Variants in CSNK1E observed in about 807,000 individuals in gnomAD.
The protein encoded by CSNK1E is casein kinase I isoform epsilon.
A neutral mutation model predicts 46.1 loss-of-function variants in CSNK1E; 17 were observed. That is an observed-to-expected ratio of 0.37 (90% CI 0.25 to 0.55). The LOEUF (loss-of-function observed/expected upper bound fraction) is 0.55. Among genes scored for constraint, CSNK1E ranks in the 20% least tolerant of loss-of-function variants. CSNK1E has a pLI of 0.82. For synonymous variants in CSNK1E, 241 were observed against 242.6 expected, an observed-to-expected ratio of 0.99 and a Z score of 0.06; for missense variants, 386 against 595.4, an observed-to-expected ratio of 0.65 and a Z score of 3.66.
chr22:38,317,025 C>G (rs1486670042), intron 1 of CSNK1E, 135 bp downstream of exon 1: 1 of 152,304 alleles, frequency 6.6e-6, no homozygotes. Flanking sequence ...GGGCTGCCCC[C>G]CCTACACCCC....
intron 2 of CSNK1E, among the ~76,000 whole-genome samples, chr22:38,312,557 G>T (rs1039756105): frequency 6.6e-6 from 1 of 152,108 alleles, no homozygotes; most frequent in Non-Finnish European, 1.5e-5. Flanking sequence ...GCTTGGGGTC[G>T]CAGAGAAAAA....
chr22:38,304,378 AG>A (rs1333933714), intron 2 of CSNK1E, among the ~76,000 whole-genome samples: 1 of 152,172 alleles, frequency 6.6e-6, no homozygotes, highest in Admixed American at 6.5e-5. Flanking sequence ...TCTCAAGTAG[AG>A]GAAAAGTTTG....
intron 7 of CSNK1E, chr22:38,297,608 A>T: frequency 4.0e-6 from 4 of 996,000 alleles, no homozygotes; most frequent in Non-Finnish European, 4.8e-6. Flanking sequence ...AGGATGAAGC[A>T]AGAGGAGGTG....
intron 2 of CSNK1E, among the ~76,000 whole-genome samples, chr22:38,304,472 G>A (rs922887793): frequency 1.3e-5 from 2 of 152,108 alleles, no homozygotes; most frequent in Admixed American, 6.6e-5. Context: ...ACAAACGCTC[G>A]CCCAAGCAAC....
rs992230340 is a variant in CSNK1E at position 38,294,356 on chromosome 22, C to T, written c.1064G>A (p.Arg355His). 1.1e-5 allele frequency: 18 copies of T among 1,569,152 alleles called. No individual in the cohort carries two copies. Among genetic ancestry groups the T allele is most frequent in the Non-Finnish European group, 1.6e-5 (18 of 1,160,728 alleles). The change falls in exon 8 of 11, where the codon CGC becomes CAC. Residue 355 changes from arginine (R) to histidine (H), a missense_variant. This residue lies in a region of CSNK1E where 174 missense variants were observed against 185.2 expected (regional missense o/e 0.94). Coordinates refer to ENST00000396832, the MANE Select transcript of CSNK1E (RefSeq NM_152221.3). The surrounding 1 kb of genome is among the most constrained non-coding windows in gnomAD (Gnocchi z 5.5). ...AEPVASTPAS[R>H]IQPAGNTSPR... is the part of the protein sequence containing the mutation. Reference sequence around the variant, plus strand: ...TCCCTGCTCACCAGCCGGCTGGATGCGGGAGGCTGGCGTGGAAGCCACGGG... The same window carrying T: ...TCCCTGCTCACCAGCCGGCTGGATGTGGGAGGCTGGCGTGGAAGCCACGGG...
intron 7 of CSNK1E, chr22:38,297,192 A>C (rs2092645511): frequency 1.3e-6 from 1 of 775,124 alleles, no homozygotes; most frequent in South Asian, 1.4e-5. Context: ...AGTTGTGCTG[A>C]GCTGGAGGGC....
intron 7 of CSNK1E, chr22:38,297,911 C>T: frequency 9.1e-7 from 1 of 1,097,744 alleles, no homozygotes; most frequent in Non-Finnish European, 1.1e-6. Context: ...GAGTCCAGAC[C>T]ACAGGCCAGT....
chr22:38,302,905 G>T lies in CSNK1E; in HGVS notation c.292C>A (p.Arg98Ser), dbSNP rs769423330. The stretch of plus-strand genomic sequence containing the variant: ...AGCACCGTCTTGAGGCTGAATTTGC[G>T]GGAACAGAAGTTGAACAGGTCCTCG... The part of the protein sequence containing the change: ...SLEDLFNFCS[R>S]KFSLKTVLLL... The change falls in exon 4 of 11, where the codon CGC (arginine) becomes AGC (serine). Residue 98 changes from arginine to serine, a missense_variant. Around this residue, in one of 2 missense-constraint regions of CSNK1E, gnomAD observed 212 missense variants for 410.2 expected, o/e 0.52. Coordinates refer to ENST00000396832, the MANE Select transcript of CSNK1E (RefSeq NM_152221.3). 6.2e-7 allele frequency: 1 copy of T among 1,614,116 alleles called. No homozygotes were observed. Among genetic ancestry groups the T allele is most frequent in the South Asian group, 1.1e-5 (1 of 91,080 alleles).
intron 2 of CSNK1E, among the ~76,000 whole-genome samples, chr22:38,310,466 C>T (rs368061473): frequency 3.3e-5 from 5 of 152,184 alleles, no homozygotes; most frequent in Non-Finnish European, 7.4e-5. Flanking sequence ...GCCCACCGTC[C>T]CGGCAGCAGC....
intron 2 of CSNK1E, among the ~76,000 whole-genome samples, chr22:38,312,573 A>G (rs529826875): frequency 1.3e-5 from 2 of 152,276 alleles, no homozygotes; most frequent in Middle Eastern, 3.4e-3. Flanking sequence ...AAAAACCTTT[A>G]AACCAGCTGC....
At position 38,300,973 on chromosome 22, in the gene CSNK1E, T is replaced by C. The variant is rs1209677839; in HGVS notation, c.337-21A>G. ...CTGATCTGGGGAGGAGGGGGGCCATTTGTTCAACAGAGGGGCCCTTGCCTA... is the reference window on the plus strand; with the variant it reads ...CTGATCTGGGGAGGAGGGGGGCCATCTGTTCAACAGAGGGGCCCTTGCCTA... On this transcript the variant is annotated intron_variant, in intron 4 of 10. Transcript: ENST00000396832. The surrounding 1 kb of genome is among the most constrained non-coding windows in gnomAD (Gnocchi z 4.4). The C allele has an allele frequency of 6.2e-7, 1 of 1,606,106 alleles. No homozygotes were observed. Among genetic ancestry groups the C allele is most frequent in the South Asian group, 1.1e-5 (1 of 90,892 alleles).
At chr22:38,310,855 G>A (rs2092717735) in intron 2 of CSNK1E, among the ~76,000 whole-genome samples, 1 of 152,236 alleles carries the variant, frequency 6.6e-6, no homozygotes, top group Non-Finnish European at 1.5e-5. Context: ...CTGGAGTCAG[G>A]CCCTGGCAGA....
chr22:38,297,764 G>T, intron 7 of CSNK1E: 1 of 998,330 alleles, frequency 1.0e-6, no homozygotes, highest in Non-Finnish European at 1.2e-6. Flanking sequence ...CCCATGGCAG[G>T]GCCTTTTCCA....
chr22:38,300,322 C>T lies in CSNK1E; in HGVS notation c.566-257G>A, dbSNP rs570864473. ...TAATCATTCAATGACTATGAGAGGG[C>T]ACCTACTGCCCCCTTGCCTGGCCCA... On this transcript the variant is annotated intron_variant, in intron 5 of 10. Transcript: ENST00000396832. The surrounding 1 kb of genome is among the most constrained non-coding windows in gnomAD (Gnocchi z 4.4). 1.5e-4 allele frequency among the ~76,000 whole-genome samples: 23 copies of T among 152,360 alleles called. No individual in the cohort carries two copies. Among genetic ancestry groups the T allele is most frequent in the African/African-American group, 5.1e-4 (21 of 41,584 alleles).
intron 7 of CSNK1E, chr22:38,296,830 A>C: frequency 2.0e-6 from 2 of 987,792 alleles, no homozygotes; most frequent in Non-Finnish European, 3.0e-6. Flanking sequence ...ACTGGAGGGC[A>C]GTGGCATGAT....
At chr22:38,297,907 A>C (rs1279744966) in intron 7 of CSNK1E, 1 of 1,084,780 alleles carries the variant, frequency 9.2e-7, no homozygotes, top group Non-Finnish European at 1.1e-6. Flanking sequence ...CCTGGAGTCC[A>C]GACCACAGGC....
chr22:38,304,235 A>T (rs765760598), intron 2 of CSNK1E, among the ~76,000 whole-genome samples: 1 of 152,184 alleles, frequency 6.6e-6, no homozygotes, highest in Non-Finnish European at 1.5e-5. Context: ...CAGCCTCAGG[A>T]GGAGTTCAAG....
chr22:38,299,748 T>G (rs1313961182), intron 6 of CSNK1E, 147 bp downstream of exon 6: 16 of 804,726 alleles, frequency 2.0e-5, no homozygotes, highest in Non-Finnish European at 3.2e-5. Context: ...GACCTCATGA[T>G]CCACCTGCCT....
chr22:38,311,407 C>A (rs1031752939), intron 2 of CSNK1E, among the ~76,000 whole-genome samples: 1 of 152,322 alleles, frequency 6.6e-6, no homozygotes, highest in African/African-American at 2.4e-5. Flanking sequence ...GAAGTCCTGT[C>A]CCCAGGGAGG....
Sources: allele counts gnomAD v4.1 joint callset (sites outside exome capture counted in the v4.1 genomes callset), GRCh38; gene constraint gnomAD v4.1.1; regional missense constraint gnomAD v4.1.1; non-coding constraint Gnocchi (gnomAD v3.1); transcripts MANE v1.5; gene names NCBI Gene and HGNC (gene_info 2026-07-23, HGNC 2026-07-21).